The following SPOCK1 variants were observed in gnomAD, a reference collection of about 807,000 sequenced individuals.
SPOCK1 encodes the protein testican-1.
SPOCK1 carries 23 observed loss-of-function variants against 55.3 expected under a neutral mutation model. The ratio of observed to expected loss-of-function variants is 0.42; its 90% CI spans 0.30 to 0.59. The LOEUF is 0.59. Ranked by LOEUF, SPOCK1 falls within the 20% of genes least tolerant of loss-of-function variation. The probability of loss-of-function intolerance (pLI) is 0.22; values close to 1 mark genes in which losing one functional copy is unlikely to be tolerated. For missense variants in SPOCK1, 499 were observed against 552.5 expected (o/e 0.90, Z 0.97); for synonymous variants, 226 against 221.0 (o/e 1.02, Z -0.20).
At chr5:137,038,263 C>A (rs1322233801) in intron 6 of SPOCK1, among the ~76,000 whole-genome samples, 1 of 152,162 alleles carries the variant, frequency 6.6e-6, no homozygotes, top group East Asian at 1.9e-4. Context: ...TTAGGGGAAA[C>A]CAGACCTCTG....
chr5:137,448,089 A>G (rs1462136334), intron 2 of SPOCK1, among the ~76,000 whole-genome samples: 2 of 152,070 alleles, frequency 1.3e-5, no homozygotes, highest in African/African-American at 2.4e-5. Flanking sequence ...CTCTACTAAA[A>G]ATACAAAAAT....
chr5:137,468,534 A>G (rs1386393689), intron 2 of SPOCK1, among the ~76,000 whole-genome samples: 2 of 152,230 alleles, frequency 1.3e-5, no homozygotes, highest in Non-Finnish European at 2.9e-5. Context: ...CTGGGCTAAT[A>G]TACTTATGAC....
At chr5:137,340,487 T>C (rs1025485804) in intron 2 of SPOCK1, among the ~76,000 whole-genome samples, 3 of 152,252 alleles carry the variant, frequency 2.0e-5, no homozygotes, top group Admixed American at 6.5e-5. Context: ...CCTTCAGTTC[T>C]GCACCTGTGA....
intron 2 of SPOCK1, among the ~76,000 whole-genome samples, chr5:137,419,869 T>G (rs1752445771): frequency 6.6e-6 from 1 of 152,204 alleles, no homozygotes; most frequent in South Asian, 2.1e-4. Flanking sequence ...AGGGCATCCC[T>G]GTCTTGTGCC....
At chr5:137,136,005 C>A (rs1282759049) in intron 4 of SPOCK1, among the ~76,000 whole-genome samples, 3 of 152,170 alleles carry the variant, frequency 2.0e-5, no homozygotes, top group African/African-American at 7.2e-5. Context: ...ACAATCAAAT[C>A]TTTTGTTGTA....
intron 2 of SPOCK1, among the ~76,000 whole-genome samples, chr5:137,386,613 G>A (rs1344909145): frequency 6.6e-6 from 1 of 152,130 alleles, no homozygotes; most frequent in African/African-American, 2.4e-5. Context: ...ACATCTACAA[G>A]CAAAGAAAAA....
intron 2 of SPOCK1, among the ~76,000 whole-genome samples, chr5:137,410,077 A>C (rs1253258656): frequency 6.6e-6 from 1 of 152,220 alleles, no homozygotes; most frequent in African/African-American, 2.4e-5. Flanking sequence ...CAAGCTGTGA[A>C]AACTTCACAT....
intron 4 of SPOCK1, among the ~76,000 whole-genome samples, chr5:137,116,225 T>C (rs1294316915): frequency 1.3e-5 from 2 of 152,226 alleles, no homozygotes; most frequent in African/African-American, 4.8e-5. Context: ...TTCCTATTCC[T>C]TTTTGTTCAA....
intron 5 of SPOCK1, among the ~76,000 whole-genome samples, chr5:137,106,115 C>T (rs1004198277): frequency 1.3e-5 from 2 of 151,364 alleles, no homozygotes; most frequent in East Asian, 1.9e-4. Context: ...CAATTAGACA[C>T]CCCCACCCCC....
chr5:137,340,048 C>T (rs193201140), intron 2 of SPOCK1, among the ~76,000 whole-genome samples: 10 of 151,966 alleles, frequency 6.6e-5, no homozygotes, highest in Admixed American at 1.3e-4. Context: ...CTCTAGAGCA[C>T]GCTGTGGAAG....
At chr5:137,317,423 G>A (rs551547338) in intron 2 of SPOCK1, among the ~76,000 whole-genome samples, 9 of 152,246 alleles carry the variant, frequency 5.9e-5, no homozygotes, top group African/African-American at 2.2e-4. Flanking sequence ...CTGCCGTTTT[G>A]GTGCAATGCA....
chr5:137,295,066 G>A (rs1242130260), intron 2 of SPOCK1, among the ~76,000 whole-genome samples: 1 of 152,146 alleles, frequency 6.6e-6, no homozygotes, highest in Non-Finnish European at 1.5e-5. Context: ...GACATCAGCT[G>A]CATGAGGGCA....
chr5:137,285,337 T>C (rs1757241884), intron 2 of SPOCK1, among the ~76,000 whole-genome samples: 1 of 152,224 alleles, frequency 6.6e-6, no homozygotes, highest in African/African-American at 2.4e-5. Flanking sequence ...TTTGTGTTAT[T>C]AACATTGTCT....
At chr5:137,039,608 C>A (rs185755705) in intron 6 of SPOCK1, among the ~76,000 whole-genome samples, 3 of 152,338 alleles carry the variant, frequency 2.0e-5, no homozygotes, top group Admixed American at 6.5e-5. Flanking sequence ...ACAGGTCCCA[C>A]GCCCCCATGG....
intron 2 of SPOCK1, among the ~76,000 whole-genome samples, chr5:137,358,902 A>G (rs1188894983): frequency 1.3e-5 from 2 of 148,710 alleles, no homozygotes; most frequent in Non-Finnish European, 1.5e-5. Flanking sequence ...CCTGAACTCC[A>G]ATTTAATAGG....
chr5:137,331,740 G>A (rs1384183069), intron 2 of SPOCK1, among the ~76,000 whole-genome samples: 3 of 152,170 alleles, frequency 2.0e-5, no homozygotes, highest in Non-Finnish European at 2.9e-5. Flanking sequence ...ATGGTGCTAA[G>A]CCACTGGGGA....
intron 3 of SPOCK1, among the ~76,000 whole-genome samples, chr5:137,223,838 G>T (rs1755901320): frequency 6.6e-6 from 1 of 152,070 alleles, no homozygotes; most frequent in Non-Finnish European, 1.5e-5. Flanking sequence ...AAAGCTAGTG[G>T]ACAAAAGGGT....
chr5:137,170,062 C>A (rs752584855), intron 3 of SPOCK1, among the ~76,000 whole-genome samples: 1 of 152,102 alleles, frequency 6.6e-6, no homozygotes, highest in African/African-American at 2.4e-5. Context: ...GTTCCAGGAC[C>A]CTTGCAGATC....
At chr5:137,011,815 G>A (rs952513946) in intron 6 of SPOCK1, among the ~76,000 whole-genome samples, 2 of 152,104 alleles carry the variant, frequency 1.3e-5, no homozygotes, top group African/African-American at 4.8e-5. Flanking sequence ...TTGTCTGCAG[G>A]TGCTGCACCT....
Sources: gnomAD v4.1 joint callset for allele counts (sites outside exome capture counted in the v4.1 genomes callset) on GRCh38, gnomAD v4.1.1 for gene constraint, MANE v1.5 for transcripts, NCBI Gene and HGNC (gene_info 2026-07-23, HGNC 2026-07-21) for gene names.